The following FBXO34 variants were observed in gnomAD, a reference collection of about 807,000 sequenced individuals.
FBXO34 encodes the protein F-box protein 34.
In FBXO34, 12 loss-of-function variants were observed where a neutral mutation model predicts 24.5. That is an observed-to-expected ratio of 0.49 (90% CI 0.31 to 0.79). FBXO34 has a LOEUF of 0.79. FBXO34 is among the 30% of genes least tolerant of loss of function. FBXO34 has a pLI of 0.04. For synonymous variants in FBXO34, 320 were observed against 311.9 expected, an observed-to-expected ratio of 1.03 and a Z score of -0.27; for missense variants, 823 against 857.7, an observed-to-expected ratio of 0.96 and a Z score of 0.51.
downstream of FBXO34, among the ~76,000 whole-genome samples, chr14:55,364,795 G>A (rs955542523): frequency 8.1e-5 from 12 of 148,978 alleles, no homozygotes; most frequent in Non-Finnish European, 8.9e-5. Flanking sequence ...AGAGTACAGT[G>A]GTGCAATCAC....
downstream of FBXO34, among the ~76,000 whole-genome samples, chr14:55,365,241 A>C (rs10145748): frequency 0.51 from 74,237 of 145,548 alleles, 20,853 homozygotes; most frequent in African/African-American, 0.76. Context: ...AAAAAAAAAA[A>C]AAAACAAAAA....
At chr14:55,440,358 C>G in the FBXO34 span, 195 of 1,611,864 alleles carry the variant, frequency 1.2e-4, no homozygotes, top group Admixed American at 3.2e-3. Flanking sequence ...CCGGGCGGGA[C>G]TTGGGTCCTG....
intron 1 of FBXO34, among the ~76,000 whole-genome samples, chr14:55,318,783 A>T (rs1050833118): frequency 6.6e-6 from 1 of 152,098 alleles, no homozygotes; most frequent in Non-Finnish European, 1.5e-5. Flanking sequence ...CATTGTCTCT[A>T]ATTCTTCAGC....
intron 1 of FBXO34, among the ~76,000 whole-genome samples, chr14:55,312,354 C>T (rs1171561246): frequency 6.6e-6 from 1 of 152,172 alleles, no homozygotes; most frequent in Non-Finnish European, 1.5e-5. Context: ...GAGGCTTTCA[C>T]GGGCTGGTCT....
At chr14:55,441,004 G>A in the FBXO34 span, among the ~76,000 whole-genome samples, 1 of 152,114 alleles carries the variant, frequency 6.6e-6, no homozygotes, top group South Asian at 2.1e-4. Context: ...GCACCACCAT[G>A]ACCTGCTAAT....
chr14:55,361,035 T>C (rs1274411239), intron 3 of FBXO34, among the ~76,000 whole-genome samples: 2 of 152,264 alleles, frequency 1.3e-5, no homozygotes, highest in African/African-American at 4.8e-5. Flanking sequence ...TTTTCCTCTT[T>C]CCATGAATCA....
At chr14:55,377,764 T>C in the FBXO34 span, 5 of 1,323,864 alleles carry the variant, frequency 3.8e-6, no homozygotes, top group Non-Finnish European at 5.2e-6. Flanking sequence ...AACATACAAC[T>C]CCTCTAACAG....
At chr14:55,440,384 C>G in the FBXO34 span, 2 of 1,612,782 alleles carry the variant, frequency 1.2e-6, no homozygotes, top group East Asian at 2.2e-5. Flanking sequence ...GGGACAGTGG[C>G]GGCAGCCTCA....
chr14:55,413,725 G>C, the FBXO34 span: 1 of 297,696 alleles, frequency 3.4e-6, no homozygotes, highest in Non-Finnish European at 6.6e-6. Flanking sequence ...AACTTACTTG[G>C]CTCTTAGAGT....
chr14:55,304,746 C>T (rs748888583), intron 1 of FBXO34, among the ~76,000 whole-genome samples: 3 of 152,132 alleles, frequency 2.0e-5, no homozygotes, highest in South Asian at 2.1e-4. Context: ...GTGATCCTCC[C>T]GCCTCAGCCT....
At chr14:55,428,599 G>T in the FBXO34 span, among the ~76,000 whole-genome samples, 11,257 of 152,036 alleles carry the variant, frequency 0.074, 425 homozygotes, top group Non-Finnish European at 0.085. Flanking sequence ...GCTAAGCAAT[G>T]TAAGTTTAAG....
the FBXO34 span, among the ~76,000 whole-genome samples, chr14:55,386,702 C>A: frequency 6.6e-6 from 1 of 152,166 alleles, no homozygotes; most frequent in African/African-American, 2.4e-5. Context: ...GAAACAAAAG[C>A]CTGGCCACAC....
At chr14:55,348,923 G>A (rs545189338) in intron 1 of FBXO34, among the ~76,000 whole-genome samples, 1 of 152,256 alleles carries the variant, frequency 6.6e-6, no homozygotes, top group South Asian at 2.1e-4. Flanking sequence ...AGCAAAGGAG[G>A]ATGAATATAC....
intron 1 of FBXO34, among the ~76,000 whole-genome samples, chr14:55,344,689 T>C (rs2140077439): frequency 6.6e-6 from 1 of 152,156 alleles, no homozygotes; most frequent in Middle Eastern, 3.4e-3. Context: ...CATTAGGTAT[T>C]TGTCCTAATG....
At chr14:55,282,383 A>G in intron 1 of FBXO34, 1 of 416,562 alleles carries the variant, frequency 2.4e-6, no homozygotes, top group Non-Finnish European at 4.8e-6. Context: ...TGATCCTGTC[A>G]TGGATTCATT....
chr14:55,408,845 A>G, the FBXO34 span, among the ~76,000 whole-genome samples: 1 of 152,236 alleles, frequency 6.6e-6, no homozygotes, highest in Non-Finnish European at 1.5e-5. Context: ...ATGAGTCAAA[A>G]GCCCACATTT....
intron 1 of FBXO34, among the ~76,000 whole-genome samples, chr14:55,302,715 A>T (rs1036194527): frequency 1.3e-4 from 19 of 151,528 alleles, no homozygotes; most frequent in African/African-American, 4.6e-4. Flanking sequence ...ATAATTAGAA[A>T]GTAGTGCTAA....
intron 1 of FBXO34, among the ~76,000 whole-genome samples, chr14:55,334,436 T>C (rs1431151675): frequency 1.4e-5 from 2 of 148,052 alleles, no homozygotes; most frequent in Admixed American, 1.4e-4. Context: ...GAAGACAGGG[T>C]AGAACCTGGG....
chr14:55,400,078 C>A, the FBXO34 span, among the ~76,000 whole-genome samples: 1 of 152,264 alleles, frequency 6.6e-6, no homozygotes, highest in East Asian at 1.9e-4. Flanking sequence ...TGAAAGAAAT[C>A]AAAAATAGGT....
Sources: allele counts gnomAD v4.1 joint callset (sites outside exome capture counted in the v4.1 genomes callset), GRCh38; gene constraint gnomAD v4.1.1; transcripts MANE v1.5; gene names NCBI Gene and HGNC (gene_info 2026-07-23, HGNC 2026-07-21).